The following DIAPH2 variants were observed in gnomAD, a reference collection of about 807,000 sequenced individuals.
DIAPH2 encodes diaphanous related formin 2.
In DIAPH2, 35 loss-of-function variants were observed where a neutral mutation model predicts 92.7. That is an observed-to-expected ratio of 0.38 (90% confidence interval 0.29 to 0.50). The LOEUF (loss-of-function observed/expected upper bound fraction) is 0.50. Ranked by LOEUF, DIAPH2 falls within the 20% of genes least tolerant of loss-of-function variation. The pLI is 0.94. For missense variants in DIAPH2, 701 were observed against 819.5 expected (o/e 0.86, Z 1.77); for synonymous variants, 301 against 280.4 (o/e 1.07, Z -0.73).
At chrX:96,727,073 G>A (rs777705292) in intron 1 of DIAPH2, among the ~76,000 whole-genome samples, 12 of 112,140 alleles carry the variant, frequency 1.1e-4, no homozygotes, top group Admixed American at 3.8e-4. Flanking sequence ...TCTTAAGGCC[G>A]TATAGGTACT....
At chrX:97,545,051 A>G (rs978313580) in intron 26 of DIAPH2, among the ~76,000 whole-genome samples, 1 of 110,363 alleles carries the variant, frequency 9.1e-6, no homozygotes, top group South Asian at 3.9e-4. Flanking sequence ...TTTTCTGTGT[A>G]TATTTTCCCC....
intron 22 of DIAPH2, among the ~76,000 whole-genome samples, chrX:97,195,908 G>C (rs2067699733): frequency 9.1e-6 from 1 of 110,441 alleles, no homozygotes; most frequent in Non-Finnish European, 1.9e-5. Flanking sequence ...TAGCTGGGTA[G>C]TTAACTTAGA....
At chrX:97,020,775 T>C (rs1051404003) in intron 17 of DIAPH2, among the ~76,000 whole-genome samples, 1 of 112,043 alleles carries the variant, frequency 8.9e-6, no homozygotes, top group African/African-American at 3.2e-5. Flanking sequence ...ACTGAGAGAT[T>C]GTATCATGTT....
intron 17 of DIAPH2, among the ~76,000 whole-genome samples, chrX:97,050,162 C>A (rs1429448276): frequency 9.0e-6 from 1 of 111,413 alleles, no homozygotes; most frequent in Non-Finnish European, 1.9e-5. Context: ...AAAATGTATT[C>A]TTCCTAAAAT....
At chrX:96,864,237 A>G in intron 4 of DIAPH2, among the ~76,000 whole-genome samples, 1 of 110,809 alleles carries the variant, frequency 9.0e-6, no homozygotes, top group East Asian at 2.8e-4. Flanking sequence ...TTCCTGTGAA[A>G]GATTCCTAGA....
intron 26 of DIAPH2, among the ~76,000 whole-genome samples, chrX:97,535,746 G>A (rs766209146): frequency 6.4e-4 from 72 of 112,361 alleles, no homozygotes; most frequent in Middle Eastern, 9.2e-3. Context: ...CACTGCACTC[G>A]GCCAAATGGG....
At chrX:97,298,511 A>G (rs187036284) in intron 23 of DIAPH2, among the ~76,000 whole-genome samples, 318 of 110,364 alleles carry the variant, frequency 2.9e-3, no homozygotes, top group African/African-American at 9.6e-3. Context: ...GAAAGTCGTC[A>G]TTAGGCAGCT....
intron 24 of DIAPH2, among the ~76,000 whole-genome samples, chrX:97,366,675 T>C (rs2069384277): frequency 8.9e-6 from 1 of 111,813 alleles, no homozygotes; most frequent in Non-Finnish European, 1.9e-5. Flanking sequence ...AGAAGGACTA[T>C]TCTTCAAACA....
intron 26 of DIAPH2, among the ~76,000 whole-genome samples, chrX:97,489,130 C>T (rs2070708176): frequency 9.0e-6 from 1 of 111,636 alleles, no homozygotes; most frequent in African/African-American, 3.2e-5. Context: ...ATGTAGTTTT[C>T]GCCGTACAAG....
intron 23 of DIAPH2, among the ~76,000 whole-genome samples, chrX:97,272,922 G>A (rs1294362877): frequency 1.8e-5 from 2 of 111,809 alleles, no homozygotes; most frequent in Admixed American, 9.5e-5. Context: ...TTGGGAGGCC[G>A]AGGCAGGCAG....
chrX:96,880,522 T>A (rs1401426612), intron 4 of DIAPH2, among the ~76,000 whole-genome samples: 1 of 111,889 alleles, frequency 8.9e-6, no homozygotes, highest in Non-Finnish European at 1.9e-5. Flanking sequence ...TGTCATATCC[T>A]CTAATGATAA....
Position 97,600,270 on chromosome X carries a change from A to ACTT in DIAPH2, c.*956_*958dup, listed in dbSNP as rs2071584864. On this transcript the variant is annotated 3_prime_UTR_variant, in exon 27 of 27. Transcript: ENST00000324765. ...TGAGTCCCTTGAAGGCAGGGAATAG[A>ACTT]CTTCTAGAAAACCTGAGAGGAAAAA... 1 of 111,936 alleles carries ACTT rather than the reference A, an allele frequency of 8.9e-6. No homozygotes were observed. The highest frequency in any genetic ancestry group is 1.9e-5 in the Non-Finnish European group (1 of 53,044). 9.2% of individuals were successfully genotyped at this position (111,936 alleles called of 1,213,427 possible).
At chrX:97,408,644 C>T (rs2069834838) in intron 25 of DIAPH2, among the ~76,000 whole-genome samples, 1 of 111,426 alleles carries the variant, frequency 9.0e-6, no homozygotes, top group African/African-American at 3.3e-5. Context: ...GCACTCATTC[C>T]CTCATTTGAT....
At position 97,384,022 on chromosome X, in the gene DIAPH2, A is replaced by G; in HGVS notation, c.3123A>G (p.Lys1041=). Residue 1041 remains lysine, a synonymous_variant, in exon 25 of 27, where the codon AAA becomes AAG. Coordinates refer to ENST00000324765, the MANE Select transcript of DIAPH2 (RefSeq NM_006729.5). ...QEKLERQKKK[K]QLIDINKEGD... ...AGTTAGAACGCCAGAAGAAAAAGAA[A>G]CAACTCATTGATATAAACAAAGGTA... 8.3e-7 allele frequency: 1 copy of G among 1,199,496 alleles called. No homozygotes were observed. The highest frequency in any genetic ancestry group is 1.1e-6 in the Non-Finnish European group (1 of 889,733).
intron 1 of DIAPH2, among the ~76,000 whole-genome samples, chrX:96,716,300 A>T (rs2063949951): frequency 9.0e-6 from 1 of 111,659 alleles, no homozygotes; most frequent in African/African-American, 3.3e-5. Flanking sequence ...TCTAGGATAT[A>T]CTTGAGAGCC....
intron 3 of DIAPH2, among the ~76,000 whole-genome samples, chrX:96,751,681 T>C (rs1262973260): frequency 1.6e-5 from 1 of 62,182 alleles, no homozygotes; most frequent in Non-Finnish European, 3.1e-5. Flanking sequence ...TGAGACGAAG[T>C]CTCGCTCTGT....
intron 25 of DIAPH2, among the ~76,000 whole-genome samples, chrX:97,429,391 C>T (rs1361642707): frequency 9.0e-6 from 1 of 111,154 alleles, no homozygotes; most frequent in African/African-American, 3.3e-5. Flanking sequence ...TATTTGCATA[C>T]TGAGCGTGTC....
chrX:97,587,294 G>T (rs2071485533), intron 26 of DIAPH2, among the ~76,000 whole-genome samples: 2 of 108,903 alleles, frequency 1.8e-5, no homozygotes, highest in Admixed American at 2.0e-4. Context: ...AAAAAAAAAT[G>T]AGTGACCGGT....
At chrX:96,775,353 TTGTGTGTGTGTGTGTGTGTG>T (rs60441028) in intron 4 of DIAPH2, among the ~76,000 whole-genome samples, 3 of 89,362 alleles carry the variant, frequency 3.4e-5, no homozygotes, top group Admixed American at 1.3e-4. Flanking sequence ...CAACGTGTGC[TTGTGTGTGTGTGTGTGTGTG>T]TGTGTGTGTG....
Sources: allele counts gnomAD v4.1 joint callset (sites outside exome capture counted in the v4.1 genomes callset), GRCh38; gene constraint gnomAD v4.1.1; transcripts MANE v1.5; gene names NCBI Gene and HGNC (gene_info 2026-07-23, HGNC 2026-07-21).